FHIT: variants seen among roughly 807,000 people sequenced by gnomAD.
FHIT encodes bis(5'-adenosyl)-triphosphatase.
A neutral mutation model predicts 17.9 loss-of-function variants in FHIT; 19 were observed. The ratio of observed to expected loss-of-function variants is 1.06; its 90% CI spans 0.74 to 1.56. The LOEUF (loss-of-function observed/expected upper bound fraction) is 1.56, where lower values mean the gene tolerates loss of function less well. FHIT is among the 40% of genes most tolerant of loss of function. FHIT has a pLI of 0.00. For synonymous variants in FHIT, 81 were observed against 69.7 expected (o/e 1.16, Z -0.81); for missense variants, 248 against 189.2 (o/e 1.31, Z -1.82).
chr3:60,364,521 G>C (rs928354491), intron 5 of FHIT, among the ~76,000 whole-genome samples: 1 of 152,190 alleles, frequency 6.6e-6, no homozygotes, highest in African/African-American at 2.4e-5. Flanking sequence ...CTGAAGGCTT[G>C]AATGAATATA....
At chr3:59,970,178 G>C (rs1293595652) in intron 7 of FHIT, among the ~76,000 whole-genome samples, 1 of 152,104 alleles carries the variant, frequency 6.6e-6, no homozygotes, top group Admixed American at 6.6e-5. Flanking sequence ...TCAAGGTAAA[G>C]TAGTTACATT....
chr3:60,637,164 G>A (rs530169476), intron 4 of FHIT, among the ~76,000 whole-genome samples: 7 of 152,242 alleles, frequency 4.6e-5, no homozygotes, highest in African/African-American at 1.4e-4. Flanking sequence ...AAAAGACTCA[G>A]CAAAATGCAT....
chr3:60,323,492 C>T (rs1357935617), intron 5 of FHIT, among the ~76,000 whole-genome samples: 1 of 152,124 alleles, frequency 6.6e-6, no homozygotes, highest in African/African-American at 2.4e-5. Flanking sequence ...GGAGGTCATA[C>T]AACCTGGTAT....
chr3:59,997,087 G>T (rs563932754), intron 7 of FHIT, among the ~76,000 whole-genome samples: 1 of 152,028 alleles, frequency 6.6e-6, no homozygotes, highest in African/African-American at 2.4e-5. Flanking sequence ...TCTAAGTACC[G>T]CAATAAATAC....
chr3:59,868,686 G>A (rs569036525), intron 8 of FHIT, among the ~76,000 whole-genome samples: 1 of 152,262 alleles, frequency 6.6e-6, no homozygotes, highest in African/African-American at 2.4e-5. Flanking sequence ...AAAATGCTTA[G>A]ATGCCCTCTC....
chr3:61,227,324 A>T (rs1337002957), intron 1 of FHIT, among the ~76,000 whole-genome samples: 1 of 152,206 alleles, frequency 6.6e-6, no homozygotes, highest in Non-Finnish European at 1.5e-5. Flanking sequence ...AAACATTAGT[A>T]TACCTCTGTC....
At chr3:60,278,095 A>G (rs1707246872) in intron 5 of FHIT, among the ~76,000 whole-genome samples, 1 of 152,194 alleles carries the variant, frequency 6.6e-6, no homozygotes, top group Admixed American at 6.5e-5. Context: ...GAACACGTGT[A>G]TGATAATTTT....
intron 5 of FHIT, among the ~76,000 whole-genome samples, chr3:60,212,297 C>A (rs1176139114): frequency 1.3e-5 from 2 of 152,070 alleles, no homozygotes; most frequent in Non-Finnish European, 2.9e-5. Flanking sequence ...GAGGCACTCC[C>A]AACATAGGGA....
chr3:60,483,178 C>T (rs145872321), intron 5 of FHIT, among the ~76,000 whole-genome samples: 3,339 of 152,186 alleles, frequency 0.022, 55 homozygotes, highest in Middle Eastern at 0.037. Flanking sequence ...GAAATTGAGG[C>T]AGTAATTAAC....
chr3:59,907,677 G>C (rs900627884), intron 8 of FHIT, among the ~76,000 whole-genome samples: 5 of 152,338 alleles, frequency 3.3e-5, no homozygotes, highest in East Asian at 1.9e-4. Context: ...GCTGAATCCT[G>C]AGGTTGGGTA....
At chr3:60,617,351 T>C in intron 4 of FHIT, 1 of 201,452 alleles carries the variant, frequency 5.0e-6, no homozygotes, top group South Asian at 1.1e-4. Context: ...TGGATTTACC[T>C]GTAAATGCCT....
chr3:61,210,186 C>G (rs534550683), intron 1 of FHIT, among the ~76,000 whole-genome samples: 72 of 152,296 alleles, frequency 4.7e-4, no homozygotes, highest in African/African-American at 1.7e-3. Context: ...CAGAGGAGTA[C>G]CCGGCCGTGT....
At chr3:60,658,961 C>CTT (rs34800096) in intron 4 of FHIT, among the ~76,000 whole-genome samples, 197 of 138,180 alleles carry the variant, frequency 1.4e-3, no homozygotes, top group African/African-American at 4.5e-3. Context: ...ACTTCCTCAG[C>CTT]TTTTTTTTTT....
chr3:60,133,104 C>T (rs541739466), intron 5 of FHIT, among the ~76,000 whole-genome samples: 1 of 151,984 alleles, frequency 6.6e-6, no homozygotes, highest in South Asian at 2.1e-4. Flanking sequence ...AATGGAAATC[C>T]GGTGGTCTTT....
At chr3:59,874,290 A>G (rs1000987344) in intron 8 of FHIT, among the ~76,000 whole-genome samples, 1 of 152,224 alleles carries the variant, frequency 6.6e-6, no homozygotes, top group Non-Finnish European at 1.5e-5. Context: ...CAAAGGGCTC[A>G]TGCTGTATTC....
intron 5 of FHIT, among the ~76,000 whole-genome samples, chr3:60,180,161 C>T (rs1701863785): frequency 6.6e-6 from 1 of 152,034 alleles, no homozygotes; most frequent in African/African-American, 2.4e-5. Context: ...CACACAAGCT[C>T]GTCAATGGAA....
chr3:60,355,836 G>C (rs1459064357), intron 5 of FHIT, among the ~76,000 whole-genome samples: 3 of 152,058 alleles, frequency 2.0e-5, no homozygotes, highest in African/African-American at 4.8e-5. Flanking sequence ...TCTAGTATTT[G>C]TAACCTTATT....
intron 9 of FHIT, chr3:59,750,511 G>A (rs1700834452): frequency 4.5e-6 from 1 of 224,230 alleles, no homozygotes. Context: ...CTTAAAAAAC[G>A]AGAGAGAGAT....
chr3:59,886,690 G>A lies in FHIT; in HGVS notation c.348+35656C>T, dbSNP rs551402920. 3.3e-5 allele frequency among the ~76,000 whole-genome samples: 5 copies of A among 152,182 alleles called. No individual in the cohort carries two copies. The South Asian group carries it at 1.0e-3, about 32-fold the overall frequency. On this transcript the variant is annotated intron_variant, in intron 8 of 9. Coordinates refer to ENST00000492590, the MANE Select transcript of FHIT (RefSeq NM_002012.4). ...GAGAGGTCATTAATCTATTCATGAT[G>A]GATCTACCCTCATCACCCAAACACT...
Sources: allele counts gnomAD v4.1 joint callset (sites outside exome capture counted in the v4.1 genomes callset), GRCh38; gene constraint gnomAD v4.1.1; transcripts MANE v1.5; gene names NCBI Gene and HGNC (gene_info 2026-07-23, HGNC 2026-07-21).